The following GARNL3 variants were observed in gnomAD, a reference collection of about 807,000 sequenced individuals.
GARNL3 encodes the protein GTPase activating Rap/RanGAP domain like 3.
GARNL3 carries 63 observed loss-of-function variants against 125.0 expected under a neutral mutation model. That is an observed-to-expected ratio of 0.50 (90% CI 0.41 to 0.62). GARNL3 has a LOEUF of 0.62. GARNL3 is among the 20% of genes least tolerant of loss of function. GARNL3 has a pLI of 0.00. For synonymous variants in GARNL3, 439 were observed against 457.5 expected (o/e 0.96, Z 0.52); for missense variants, 994 against 1,244.0 (o/e 0.80, Z 3.02).
intron 7 of GARNL3, among the ~76,000 whole-genome samples, chr9:127,328,073 C>T (rs1288347094): frequency 6.6e-6 from 1 of 152,174 alleles, no homozygotes; most frequent in East Asian, 1.9e-4. Flanking sequence ...ACTTACTTCC[C>T]CTGCCCCGAC....
chr9:127,391,200 G>A (rs541836716), intron 27 of GARNL3, among the ~76,000 whole-genome samples: 6 of 151,724 alleles, frequency 4.0e-5, no homozygotes, highest in East Asian at 3.9e-4. Flanking sequence ...CAGAAGAATC[G>A]CTTGAACATG....
intron 1 of GARNL3, among the ~76,000 whole-genome samples, chr9:127,285,354 C>CAG (rs1174999600): frequency 1.3e-5 from 2 of 152,268 alleles, no homozygotes; most frequent in African/African-American, 4.8e-5. Flanking sequence ...ACTCGGGAGG[C>CAG]AGAGGTTGCA....
At chr9:127,359,225 C>T (rs1429233773) in intron 21 of GARNL3, among the ~76,000 whole-genome samples, 1 of 152,314 alleles carries the variant, frequency 6.6e-6, no homozygotes, top group Non-Finnish European at 1.5e-5. Flanking sequence ...CACAGTGGCT[C>T]ACACCTGTAA....
At chr9:127,344,176 G>A in intron 14 of GARNL3, 59 bp from the exon 15 acceptor site, 3 of 1,200,488 alleles carry the variant, frequency 2.5e-6, no homozygotes, top group Non-Finnish European at 3.6e-6. Flanking sequence ...ACTATGAGAA[G>A]CCAAAAGATG....
chr9:127,224,827 C>T (rs1448246333), intron 1 of GARNL3: 5 of 147,590 alleles, frequency 3.4e-5, no homozygotes, highest in African/African-American at 1.0e-4. Flanking sequence ...CGTTTTGGGC[C>T]TGTGGGCCTC....
intron 1 of GARNL3, among the ~76,000 whole-genome samples, chr9:127,274,420 T>C (rs2063900940): frequency 6.6e-6 from 1 of 152,196 alleles, no homozygotes; most frequent in African/African-American, 2.4e-5. Context: ...TTGGGAACCT[T>C]GATACCAGAC....
intron 22 of GARNL3, among the ~76,000 whole-genome samples, chr9:127,381,638 C>T (rs967156814): frequency 5.7e-4 from 86 of 152,186 alleles, no homozygotes; most frequent in African/African-American, 2.0e-3. Context: ...GCTGTGTCAC[C>T]CAGGCTGGAG....
rs1026452944 is a variant in GARNL3 at position 127,336,165 on chromosome 9, C to T, written c.911C>T (p.Thr304Ile). ...CGCCACATTGGAAACGATATCGTCA[C>T]CATTGTGTTCCAAGAAGGAGAGGAA... is the stretch of plus-strand genomic sequence containing the variant. ...RKRHIGNDIVTIVFQEGEESS... is the reference protein window; with the variant it reads ...RKRHIGNDIVIIVFQEGEESS... Residue 304 changes from threonine to isoleucine, a missense_variant, in exon 11 of 28, where the codon ACC (threonine) becomes ATC (isoleucine). By Grantham distance (89) the Thr-to-Ile change is moderately conservative (BLOSUM62 -1). This residue lies in a region of GARNL3 where 19 missense variants were observed against 46.4 expected (regional missense o/e 0.41). Transcript: ENST00000373387. 6.8e-6 allele frequency: 11 copies of T among 1,614,018 alleles called. No homozygotes were observed. Among genetic ancestry groups the T allele is most frequent in the Non-Finnish European group, 8.5e-6 (10 of 1,179,918 alleles).
chr9:127,299,615 G>A (rs1339850402), intron 2 of GARNL3, among the ~76,000 whole-genome samples: 1 of 151,838 alleles, frequency 6.6e-6, no homozygotes, highest in South Asian at 2.1e-4. Context: ...CTGTCACCCA[G>A]GCTGGAGTGC....
rs1046150356 is a variant in GARNL3 at position 127,377,564 on chromosome 9, A to G, written c.2162-5874A>G. ...CACTTTGGGAGGCTAAGGCGGGCAG[A>G]TCACTTGAGGTCAGGAGTTCGAGAC... On this transcript the variant is annotated intron_variant, in intron 22 of 27. Coordinates refer to ENST00000373387, the MANE Select transcript of GARNL3 (RefSeq NM_032293.5). Among the ~76,000 whole-genome samples the G allele has an allele frequency of 2.6e-5, 4 of 152,260 alleles. No individual in the cohort carries two copies. The South Asian group carries it at 8.3e-4, about 32-fold the overall frequency.
intron 17 of GARNL3, 32 bp from the exon 18 acceptor site, chr9:127,353,814 G>A: frequency 7.0e-7 from 1 of 1,422,712 alleles, no homozygotes; most frequent in Non-Finnish European, 9.9e-7. Flanking sequence ...GGGCTGGGTT[G>A]CAGTGATGGG....
intron 16 of GARNL3, 144 bp downstream of exon 16, chr9:127,345,621 CTGAG>C (rs1830095685): frequency 1.9e-6 from 1 of 539,004 alleles, no homozygotes; most frequent in African/African-American, 2.0e-5. Flanking sequence ...CTAGATAAAA[CTGAG>C]TGGCCATTTA....
At chr9:127,269,685 T>A (rs1349250762) in intron 1 of GARNL3, among the ~76,000 whole-genome samples, 1 of 152,220 alleles carries the variant, frequency 6.6e-6, no homozygotes, top group African/African-American at 2.4e-5. Context: ...GAGCATCTTT[T>A]CATGTGCTTA....
At chr9:127,333,493 A>G (rs913871777) in intron 9 of GARNL3, among the ~76,000 whole-genome samples, 1 of 152,192 alleles carries the variant, frequency 6.6e-6, no homozygotes, top group African/African-American at 2.4e-5. Flanking sequence ...GCAGATAATC[A>G]TCAAATGGTT....
rs374843967 is a variant in GARNL3 at position 127,274,043 on chromosome 9, G to T, written c.144+9022G>T. ...TATCCTTTAAGTAAGATATATTTAAGTAAGCTGCTTTTAAATCCTTTCTAA... is the reference window on the plus strand; with the variant it reads ...TATCCTTTAAGTAAGATATATTTAATTAAGCTGCTTTTAAATCCTTTCTAA... On this transcript the variant is annotated intron_variant, in intron 1 of 27. Coordinates refer to ENST00000373387, the MANE Select transcript of GARNL3 (RefSeq NM_032293.5). Among the ~76,000 whole-genome samples the T allele has an allele frequency of 3.3e-5, 5 of 152,204 alleles. No individual in the cohort carries two copies. In the East Asian group the frequency reaches 7.7e-4, roughly 24 times the overall value.
intron 1 of GARNL3, among the ~76,000 whole-genome samples, chr9:127,275,884 G>A (rs2063942658): frequency 6.6e-6 from 1 of 152,154 alleles, no homozygotes; most frequent in South Asian, 2.1e-4. Context: ...TCGTTGTGTT[G>A]CAGTCTTTTA....
chr9:127,268,914 A>ACAC (rs2063758588), intron 1 of GARNL3, among the ~76,000 whole-genome samples: 1 of 152,198 alleles, frequency 6.6e-6, no homozygotes, highest in African/African-American at 2.4e-5. Flanking sequence ...GTGATAGTGT[A>ACAC]TATCAGAATT....
chr9:127,251,667 T>G (rs1468776167), intron 2 of GARNL3, among the ~76,000 whole-genome samples: 1 of 152,212 alleles, frequency 6.6e-6, no homozygotes, highest in Admixed American at 6.5e-5. Flanking sequence ...GCAAAATTCA[T>G]GTCAGTTCCA....
upstream of GARNL3, among the ~76,000 whole-genome samples, chr9:127,258,762 T>C (rs557346535): frequency 4.2e-4 from 64 of 152,314 alleles, no homozygotes; most frequent in African/African-American, 1.5e-3. Flanking sequence ...CACCTGTTGT[T>C]AGGAGGCCTT....
Sources: gnomAD v4.1 joint callset for allele counts (sites outside exome capture counted in the v4.1 genomes callset) on GRCh38, gnomAD v4.1.1 for gene constraint, gnomAD v4.1.1 regional missense constraint, MANE v1.5 for transcripts, NCBI Gene and HGNC (gene_info 2026-07-23, HGNC 2026-07-21) for gene names.